GUCY2F: variants seen among roughly 807,000 people sequenced by gnomAD.
GUCY2F encodes the protein guanylate cyclase 2F, retinal, also known as retinal guanylyl cyclase 2.
Under a neutral mutation model 73.1 loss-of-function variants are expected in GUCY2F, and 61 were observed. The observed-to-expected ratio is 0.83, with a 90% confidence interval of 0.68 to 1.03. GUCY2F has a LOEUF of 1.03. Among genes scored for constraint, GUCY2F ranks in the 50% least tolerant of loss-of-function variants. The probability of loss-of-function intolerance (pLI) is 0.00; values close to 1 mark genes in which losing one functional copy is unlikely to be tolerated. For synonymous variants in GUCY2F, 331 were observed against 307.8 expected (o/e 1.08, Z -0.79); for missense variants, 912 against 854.3 (o/e 1.07, Z -0.84).
intron 8 of GUCY2F, among the ~76,000 whole-genome samples, chrX:109,423,609 G>T (rs768970845): frequency 7.4e-4 from 78 of 105,202 alleles, no homozygotes; most frequent in Non-Finnish European, 1.2e-3. Context: ...TAGCGATGGG[G>T]TCTCTTTATG....
chrX:109,462,070 A>T (rs778112779), intron 3 of GUCY2F, among the ~76,000 whole-genome samples: 5 of 113,038 alleles, frequency 4.4e-5, no homozygotes, highest in Middle Eastern at 4.6e-3. Flanking sequence ...CTTAGATGCT[A>T]GGTCACCACC....
At chrX:109,401,924 C>T (rs1930848561) in intron 10 of GUCY2F, among the ~76,000 whole-genome samples, 1 of 111,303 alleles carries the variant, frequency 9.0e-6, no homozygotes, top group Admixed American at 9.5e-5. Context: ...AAATAAACAA[C>T]TAGAAGCAGT....
At chrX:109,458,463 C>T (rs1395782116) in intron 3 of GUCY2F, among the ~76,000 whole-genome samples, 2 of 111,571 alleles carry the variant, frequency 1.8e-5, no homozygotes, top group Non-Finnish European at 3.8e-5. Flanking sequence ...AGAGTAAACA[C>T]TGAATATACA....
chrX:109,439,958 T>C lies in GUCY2F; in HGVS notation c.1701+1393A>G, dbSNP rs1169155406. Among the ~76,000 whole-genome samples the C allele has an allele frequency of 9.8e-5, 11 of 111,918 alleles. No homozygotes were observed. In the Admixed American group the frequency reaches 1.0e-3, roughly 11 times the overall value. On this transcript the variant is annotated intron_variant, in intron 7 of 19. Coordinates refer to ENST00000218006, the MANE Select transcript of GUCY2F (RefSeq NM_001522.3). ...TCCACTCACAGCAATCAAGACTTTT[T>C]CCAGCATTCCCTTCAAAAGTGTTCC... is the stretch of plus-strand genomic sequence containing the variant.
chrX:109,385,452 C>A (rs1240465358), intron 15 of GUCY2F, among the ~76,000 whole-genome samples, 170 bp from the exon 16 acceptor site: 2 of 112,499 alleles, frequency 1.8e-5, no homozygotes, highest in East Asian at 5.6e-4. Context: ...CTTTGCCCTA[C>A]AAGAAAGCAA....
At chrX:109,460,074 C>T (rs1275600280) in intron 3 of GUCY2F, among the ~76,000 whole-genome samples, 1 of 110,431 alleles carries the variant, frequency 9.1e-6, no homozygotes, top group African/African-American at 3.3e-5. Flanking sequence ...AGAAACTCTC[C>T]CAGAAAGGAA....
In GUCY2F at chrX:109,376,092, CT is replaced by C. The variant is rs1287848797; in HGVS notation, c.3225del (p.Val1076TrpfsTer29). ...AACTCCACTTACCCATCTTTGTCCACTGGTGGGGGCACAGGAAGGGGCTTCA... is the reference window on the plus strand; with the variant it reads ...AACTCCACTTACCCATCTTTGTCCACGGTGGGGGCACAGGAAGGGGCTTCA... The part of the protein sequence containing the change: ...GFMKPLPVPP[P>X]VDKDGQVGHG... On this transcript the variant is annotated frameshift_variant, in exon 18 of 20. Transcript: ENST00000218006. LOFTEE classifies it high-confidence loss of function. 1 of 1,200,832 alleles carries C rather than the reference CT, an allele frequency of 8.3e-7. No homozygotes were observed. The highest frequency in any genetic ancestry group is 1.1e-6 in the Non-Finnish European group (1 of 885,302).
chrX:109,422,650 G>C lies in GUCY2F; in HGVS notation c.1791+7657C>G, dbSNP rs191505795. Among the ~76,000 whole-genome samples, 438 of 111,864 alleles carry C rather than the reference G, an allele frequency of 3.9e-3. 3 individuals carry two copies. Among genetic ancestry groups the C allele is most frequent in the African/African-American group, 0.014 (418 of 30,881 alleles). On this transcript the variant is annotated intron_variant, in intron 8 of 19. Transcript: ENST00000218006. ...TATTGGCAATGATGTAGACCAAAGG[G>C]AATTCTCATAACTTGTGTGCAGGAA... is the stretch of plus-strand genomic sequence containing the variant.
intron 8 of GUCY2F, among the ~76,000 whole-genome samples, chrX:109,415,228 C>T (rs1931213279): frequency 8.9e-6 from 1 of 112,008 alleles, no homozygotes; most frequent in Admixed American, 9.4e-5. Flanking sequence ...TGCTGATTTC[C>T]AGCACAAGCC....
intron 17 of GUCY2F, among the ~76,000 whole-genome samples, chrX:109,376,552 C>A (rs751589583): frequency 3.6e-5 from 4 of 112,323 alleles, no homozygotes; most frequent in Non-Finnish European, 7.5e-5. Context: ...CAATGGCTCT[C>A]ACCAAACCCA....
chrX:109,381,300 G>T (rs1461736449), intron 17 of GUCY2F, among the ~76,000 whole-genome samples: 3 of 111,907 alleles, frequency 2.7e-5, no homozygotes, highest in African/African-American at 9.7e-5. Context: ...TGGTGTCATG[G>T]AAAGGTCACT....
chrX:109,391,424 C>T, intron 14 of GUCY2F, among the ~76,000 whole-genome samples: 1 of 111,131 alleles, frequency 9.0e-6, no homozygotes, highest in Non-Finnish European at 1.9e-5. Flanking sequence ...GTCAAGTTCT[C>T]TCCATATAAA....
Position 109,392,956 on chromosome X carries a change from G to T in GUCY2F, c.2524C>A (p.Arg842=). ...TTTTCAATTTCCAGCTCTTCAGTCC[G>T]CTCCCGAATCAAATCTTCCAAGTTG... is the stretch of plus-strand genomic sequence containing the variant. The part of the protein sequence containing the change: ...SSNLEDLIRE[R]TEELEIEKQK... Residue 842 remains arginine (R), a synonymous_variant, in exon 13 of 20, where the codon CGG becomes AGG. Transcript: ENST00000218006. 8.5e-7 allele frequency: 1 copy of T among 1,171,233 alleles called. No homozygotes were observed. The highest frequency in any genetic ancestry group is 1.8e-5 in the South Asian group (1 of 55,959).
chrX:109,417,361 G>A (rs1440402757), intron 8 of GUCY2F, among the ~76,000 whole-genome samples: 2 of 110,940 alleles, frequency 1.8e-5, no homozygotes, highest in Non-Finnish European at 3.8e-5. Flanking sequence ...TAGTAAATGG[G>A]ACACTGCTGT....
At chrX:109,453,985 A>C (rs754587429) in intron 3 of GUCY2F, 126 bp from the exon 4 acceptor site, 76 of 375,073 alleles carry the variant, frequency 2.0e-4, no homozygotes, top group African/African-American at 1.8e-3. Context: ...GAAGACCCAG[A>C]GGAAAAAAAT....
At position 109,481,481 on chromosome X, in the gene GUCY2F, A is replaced by G. The variant is rs757337457; in HGVS notation, c.-86+385T>C. 6.2e-5 allele frequency among the ~76,000 whole-genome samples: 7 copies of G among 112,110 alleles called. No homozygotes were observed. The South Asian group carries it at 2.3e-3, about 36-fold the overall frequency. ...AACATGTACAAAGAAAGACTATGAC[A>G]AATAGCTCTGAGGGAAATGGCTCCT... On this transcript the variant is annotated intron_variant, in intron 1 of 19. Transcript: ENST00000218006.
intron 2 of GUCY2F, among the ~76,000 whole-genome samples, chrX:109,474,687 A>G (rs1343336602): frequency 8.9e-6 from 1 of 112,092 alleles, no homozygotes; most frequent in Non-Finnish European, 1.9e-5. Context: ...CCCTGCTTTG[A>G]GAAAAGGCAG....
chrX:109,481,975 C>T lies in GUCY2F; in HGVS notation c.-195G>A, dbSNP rs955744773. 4.5e-5 allele frequency: 5 copies of T among 111,974 alleles called. No individual in the cohort carries two copies. The highest frequency in any genetic ancestry group is 1.6e-4 in the African/African-American group (5 of 30,759). 9.2% of individuals were successfully genotyped at this position (111,974 alleles called of 1,213,427 possible). On this transcript the variant is annotated 5_prime_UTR_variant, in exon 1 of 20. Coordinates refer to ENST00000218006, the MANE Select transcript of GUCY2F (RefSeq NM_001522.3). ...TTGCATCCTCTATGCATTCACAATC[C>T]TGTCAAGGACTCCAGTCTGTTGACA... is the stretch of plus-strand genomic sequence containing the variant.
intron 2 of GUCY2F, among the ~76,000 whole-genome samples, chrX:109,468,689 G>T (rs2147282976): frequency 8.9e-6 from 1 of 111,741 alleles, no homozygotes; most frequent in African/African-American, 3.2e-5. Context: ...TTAAGACCAA[G>T]TAGGCCAACC....
Sources: allele counts gnomAD v4.1 joint callset (sites outside exome capture counted in the v4.1 genomes callset), GRCh38; gene constraint gnomAD v4.1.1; transcripts MANE v1.5; gene names NCBI Gene and HGNC (gene_info 2026-07-23, HGNC 2026-07-21).